IQCM: variants seen among roughly 807,000 people sequenced by gnomAD.
IQCM encodes IQ motif containing M.
In IQCM, 45 loss-of-function variants were observed where a neutral mutation model predicts 57.6. That is an observed-to-expected ratio of 0.78 (90% CI 0.62 to 1.00). The LOEUF (loss-of-function observed/expected upper bound fraction) is 1.00, where lower values mean the gene tolerates loss of function less well. Among genes scored for constraint, IQCM ranks in the 50% least tolerant of loss-of-function variants. The pLI is 0.00. For synonymous variants in IQCM, 148 were observed against 158.9 expected, an observed-to-expected ratio of 0.93 and a Z score of 0.51; for missense variants, 468 against 511.6, an observed-to-expected ratio of 0.91 and a Z score of 0.82.
chr4:149,724,276 A>G (rs1194050865), intron 5 of IQCM, among the ~76,000 whole-genome samples: 1 of 152,090 alleles, frequency 6.6e-6, no homozygotes, highest in Non-Finnish European at 1.5e-5. Context: ...TCAAAAAACT[A>G]TTTGGTAAGT....
At chr4:149,569,480 T>G (rs1750953099) in intron 9 of IQCM, among the ~76,000 whole-genome samples, 1 of 152,138 alleles carries the variant, frequency 6.6e-6, no homozygotes, top group Admixed American at 6.6e-5. Flanking sequence ...ACTCCATTCC[T>G]CTCCACTCTG....
At chr4:149,664,824 GGACACCACT>G (rs1405973616) in intron 7 of IQCM, among the ~76,000 whole-genome samples, 1 of 152,088 alleles carries the variant, frequency 6.6e-6, no homozygotes, top group Non-Finnish European at 1.5e-5. Context: ...AGAGAGGCAG[GGACACCACT>G]GTTCTGGTTT....
chr4:149,543,052 C>G (rs565770477), intron 12 of IQCM, among the ~76,000 whole-genome samples: 1 of 147,508 alleles, frequency 6.8e-6, no homozygotes, highest in East Asian at 2.1e-4. Flanking sequence ...CCCTATGAAA[C>G]TGTTAATTTG....
At chr4:149,671,900 A>T (rs979774217) in intron 7 of IQCM, among the ~76,000 whole-genome samples, 1 of 152,054 alleles carries the variant, frequency 6.6e-6, no homozygotes, top group Non-Finnish European at 1.5e-5. Context: ...ACTTCCAACT[A>T]TGGGTGCCTC....
chr4:149,481,701 G>GTTTTGTTTTTTTTTTTT (rs1740817619), intron 12 of IQCM, among the ~76,000 whole-genome samples: 3 of 51,550 alleles, frequency 5.8e-5, no homozygotes, highest in African/African-American at 2.3e-4. Context: ...TTCCAGTTTT[G>GTTTTGTTTTTTTTTTTT]TTTTTTTTTT....
At chr4:149,370,487 A>G (rs1730288074) in intron 13 of IQCM, among the ~76,000 whole-genome samples, 1 of 152,080 alleles carries the variant, frequency 6.6e-6, no homozygotes, top group East Asian at 1.9e-4. Flanking sequence ...CAGAGGACCA[A>G]TAATAGCTTA....
chr4:149,787,618 T>A (rs961963556), intron 2 of IQCM, among the ~76,000 whole-genome samples: 2 of 152,168 alleles, frequency 1.3e-5, no homozygotes, highest in African/African-American at 4.8e-5. Context: ...AATGATGCTA[T>A]GAAAATTGGA....
intron 8 of IQCM, among the ~76,000 whole-genome samples, chr4:149,592,317 T>C (rs1753272546): frequency 6.6e-6 from 1 of 152,178 alleles, no homozygotes; most frequent in Non-Finnish European, 1.5e-5. Flanking sequence ...ATTTTTTTTC[T>C]TGTAAATTTG....
chr4:149,813,277 G>T (rs1441846560), intron 2 of IQCM, among the ~76,000 whole-genome samples: 1 of 151,944 alleles, frequency 6.6e-6, no homozygotes, highest in African/African-American at 2.4e-5. Flanking sequence ...CCCACTCAAA[G>T]GTACATCTTG....
intron 13 of IQCM, among the ~76,000 whole-genome samples, chr4:149,354,814 T>C (rs1467370574): frequency 2.0e-5 from 3 of 152,234 alleles, no homozygotes; most frequent in African/African-American, 7.2e-5. Context: ...TCAAAAGATA[T>C]ATTTGTAATA....
intron 13 of IQCM, among the ~76,000 whole-genome samples, chr4:149,421,265 C>G (rs113951633): frequency 3.2e-4 from 48 of 151,930 alleles, no homozygotes; most frequent in African/African-American, 1.1e-3. Context: ...AAGATTTGAA[C>G]CTTTCCTTCC....
intron 12 of IQCM, among the ~76,000 whole-genome samples, chr4:149,512,364 G>C (rs977105186): frequency 2.0e-5 from 3 of 152,084 alleles, no homozygotes; most frequent in African/African-American, 7.2e-5. Flanking sequence ...GCCACAACCT[G>C]GTTCTGCAAA....
intron 2 of IQCM, among the ~76,000 whole-genome samples, chr4:149,795,040 G>C (rs1772988113): frequency 1.3e-5 from 2 of 152,030 alleles, no homozygotes; most frequent in East Asian, 1.9e-4. Flanking sequence ...GTATTCAGGA[G>C]ATAAATGGAA....
intron 13 of IQCM, among the ~76,000 whole-genome samples, chr4:149,419,243 AC>A (rs771586408): frequency 3.3e-5 from 5 of 152,134 alleles, no homozygotes; most frequent in Non-Finnish European, 7.4e-5. Flanking sequence ...TTGAAACTAT[AC>A]CACAAAACCA....
intron 13 of IQCM, among the ~76,000 whole-genome samples, chr4:149,364,271 T>C (rs1294599720): frequency 1.3e-5 from 2 of 152,086 alleles, no homozygotes; most frequent in African/African-American, 4.8e-5. Flanking sequence ...GCAGGGGTTT[T>C]ATTGAAGGGG....
chr4:149,515,071 C>CGTGTGTGTGTGT (rs58534209), intron 12 of IQCM, among the ~76,000 whole-genome samples: 3,174 of 142,840 alleles, frequency 0.022, 48 homozygotes, highest in Non-Finnish European at 0.025. Context: ...TATATATACA[C>CGTGTGTGTGTGT]GTGTGTGTGT....
At chr4:149,505,282 G>C (rs1291445260) in intron 12 of IQCM, among the ~76,000 whole-genome samples, 2 of 152,132 alleles carry the variant, frequency 1.3e-5, no homozygotes, top group Non-Finnish European at 2.9e-5. Flanking sequence ...ATGACTAGAT[G>C]TAATTTTAAA....
chr4:149,377,015 G>A (rs1390352880), intron 13 of IQCM, among the ~76,000 whole-genome samples: 1 of 151,918 alleles, frequency 6.6e-6, no homozygotes, highest in Non-Finnish European at 1.5e-5. Flanking sequence ...GAATTACTTG[G>A]TCACATGAAG....
intron 13 of IQCM, among the ~76,000 whole-genome samples, chr4:149,397,367 C>T (rs1027258173): frequency 2.0e-5 from 3 of 151,914 alleles, no homozygotes; most frequent in South Asian, 2.1e-4. Context: ...CCACCCAAAT[C>T]GAATCTCGAA....
Sources: gnomAD v4.1 joint callset for allele counts (sites outside exome capture counted in the v4.1 genomes callset) on GRCh38, gnomAD v4.1.1 for gene constraint, MANE v1.5 for transcripts, NCBI Gene and HGNC (gene_info 2026-07-23, HGNC 2026-07-21) for gene names.